The following ITGA7 variants were observed in gnomAD, a reference collection of about 807,000 sequenced individuals.
The protein encoded by ITGA7 is integrin subunit alpha 7, also known as integrin alpha-7.
Under a neutral mutation model 131.6 loss-of-function variants are expected in ITGA7, and 84 were observed. The observed-to-expected ratio is 0.64, with a 90% CI of 0.54 to 0.77. The LOEUF (loss-of-function observed/expected upper bound fraction) is 0.77, where lower values mean the gene tolerates loss of function less well. ITGA7 is among the 30% of genes least tolerant of loss of function. The pLI, the probability that ITGA7 is intolerant of heterozygous loss-of-function variation, is 0.00. For synonymous variants in ITGA7, 548 were observed against 600.7 expected (o/e 0.91, Z 1.28); for missense variants, 1,399 against 1,482.9 (o/e 0.94, Z 0.93).
chr12:55,697,669 G>GGGGTCAGAGTCAC, intron 9 of ITGA7, 26 bp downstream of exon 9: 1 of 1,614,170 alleles, frequency 6.2e-7, no homozygotes, highest in Non-Finnish European at 8.5e-7. Flanking sequence ...CGGCCTCAGG[G>GGGGTCAGAGTCAC]AGGGAAAAGG....
intron 14 of ITGA7, 107 bp from the exon 15 acceptor site, chr12:55,695,077 C>T: frequency 8.8e-7 from 1 of 1,141,104 alleles, no homozygotes; most frequent in Non-Finnish European, 1.3e-6. Context: ...AGCCTCTCTT[C>T]CCACCCCAGG....
chr12:55,699,031 C>G, intron 5 of ITGA7, 114 bp from the exon 6 acceptor site: 2 of 940,210 alleles, frequency 2.1e-6, no homozygotes, highest in Admixed American at 4.1e-5. Context: ...CAAGTCACAG[C>G]TCCCCTGCAC....
In ITGA7 at chr12:55,697,000, G is replaced by A. The variant is rs1204017500; in HGVS notation, c.1636C>T (p.Leu546=). 1 of 1,614,032 alleles carries A rather than the reference G, an allele frequency of 6.2e-7. No homozygotes were observed. Among genetic ancestry groups the A allele is most frequent in the Non-Finnish European group, 8.5e-7 (1 of 1,180,038 alleles). The change falls in exon 12 of 25, where the codon CTG becomes TTG. Residue 546 remains leucine, a synonymous_variant. Transcript: ENST00000257879. ...LRGQVPRVTF[L]SRNLEEPKHQ... is the part of the protein sequence containing the mutation. ...TTGGGTTCTTCCAGGTTACGGCTCA[G>A]GAACGTCACACGGGGAACCTGGCCC...
chr12:55,688,385 T>C lies in ITGA7; in HGVS notation c.2959-85A>G, dbSNP rs116101967. On this transcript the variant is annotated intron_variant, in intron 22 of 24. Coordinates refer to ENST00000257879, the MANE Select transcript of ITGA7 (RefSeq NM_002206.3). Reference sequence around the variant, plus strand: ...TTACCTCCTGAAATTATAAATGTAATGGTGCCCAACACAGAGGATGTTTCT... The same window carrying C: ...TTACCTCCTGAAATTATAAATGTAACGGTGCCCAACACAGAGGATGTTTCT... The C allele has an allele frequency of 1.5e-3, 1,545 of 998,622 alleles. 17 individuals are homozygous for C. In the African/African-American group the frequency reaches 0.021, roughly 13 times the overall value. 61.9% of individuals were successfully genotyped at this position (998,622 alleles called of 1,614,324 possible).
rs1234314955 is a variant in ITGA7, at chr12:55,698,704, A to G, written c.998+6T>C. The G allele has an allele frequency of 6.2e-7, 1 of 1,613,710 alleles. No homozygotes were observed. Among genetic ancestry groups the G allele is most frequent in the Admixed American group, 1.7e-5 (1 of 59,982 alleles). On this transcript the variant is annotated splice_donor_region_variant and intron_variant, in intron 6 of 24. Coordinates refer to ENST00000257879, the MANE Select transcript of ITGA7 (RefSeq NM_002206.3). ...CCTCAGGTGGCACGGCCCTCTACCCACTCACCCATCACTGTTGAGGTCAGC... is the reference window on the plus strand; with the variant it reads ...CCTCAGGTGGCACGGCCCTCTACCCGCTCACCCATCACTGTTGAGGTCAGC...
chr12:55,693,127 C>T lies in ITGA7; in HGVS notation c.2712+14G>A. On this transcript the variant is annotated intron_variant, in intron 20 of 24. Coordinates refer to ENST00000257879, the MANE Select transcript of ITGA7 (RefSeq NM_002206.3). ...TGTCCCCACATCTAACCCCCACCCC[C>T]ACCTAAGCCTCACCAGGTGGAGGAT... is the stretch of plus-strand genomic sequence containing the variant. 6.2e-7 allele frequency: 1 copy of T among 1,613,708 alleles called. No individual in the cohort carries two copies.
rs1054251212 is a variant in ITGA7 at position 55,704,120 on chromosome 12, C to G, written c.207-942G>C. Among the ~76,000 whole-genome samples, 4 of 152,352 alleles carry G rather than the reference C, an allele frequency of 2.6e-5. No individual in the cohort carries two copies. The South Asian group carries it at 8.3e-4, about 32-fold the overall frequency. On this transcript the variant is annotated intron_variant, in intron 1 of 24. Transcript: ENST00000257879. Reference sequence around the variant, plus strand: ...TAAGATGACTGACACCCAGCTGGCTCCATGGGTCCTCTCTTTGCAGAAGGA... The same window carrying G: ...TAAGATGACTGACACCCAGCTGGCTGCATGGGTCCTCTCTTTGCAGAAGGA...
In ITGA7 at chr12:55,698,841, G is replaced by T. The variant is rs774144591; in HGVS notation, c.867C>A (p.Asn289Lys). The T allele has an allele frequency of 3.1e-6, 5 of 1,613,752 alleles. No individual in the cohort carries two copies. The East Asian group carries it at 1.1e-4, about 36-fold the overall frequency. Residue 289 changes from asparagine to lysine, a missense_variant, in exon 6 of 25, where the codon AAC (asparagine) becomes AAA (lysine). By Grantham distance (94) the Asn-to-Lys change is moderately conservative. Transcript: ENST00000257879. The stretch of plus-strand genomic sequence containing the variant: ...GCAGGATGACCACAGCACCCTTGTG[G>T]TTGGCGCGGGGGGCTCCAGCCACAA... ...LSFVAGAPRA[N>K]HKGAVVILRK... is the part of the protein sequence containing the mutation.
intron 5 of ITGA7, chr12:55,699,574 A>G: frequency 4.3e-6 from 2 of 463,210 alleles, no homozygotes; most frequent in Non-Finnish European, 8.0e-6. Context: ...AAGTCCCCCT[A>G]GAAGACAGGA....
chr12:55,712,740 T>C (rs114177727), upstream of ITGA7, among the ~76,000 whole-genome samples: 59 of 152,110 alleles, frequency 3.9e-4, no homozygotes, highest in African/African-American at 1.4e-3. Context: ...GGTTAGACAG[T>C]GAACAATAAA....
At position 55,701,535 on chromosome 12, in the gene ITGA7, C is replaced by T. The variant is rs979326045; in HGVS notation, c.415-381G>A. Reference sequence around the variant, plus strand: ...GTCCCTGGACCTTTGTAAGTGTCACCATCTCATCTGCAAAGAACTTCCTGT... The same window carrying T: ...GTCCCTGGACCTTTGTAAGTGTCACTATCTCATCTGCAAAGAACTTCCTGT... On this transcript the variant is annotated intron_variant, in intron 3 of 24. Coordinates refer to ENST00000257879, the MANE Select transcript of ITGA7 (RefSeq NM_002206.3). 5.5e-4 allele frequency: 509 copies of T among 927,552 alleles called. 2 individuals carry two copies. Among genetic ancestry groups the T allele is most frequent in the South Asian group, 7.3e-4 (52 of 71,084 alleles). 57.5% of individuals were successfully genotyped at this position (927,552 alleles called of 1,614,324 possible).
In ITGA7 at chr12:55,707,820, G is replaced by GCCCAA; in HGVS notation, c.-139_-138insTTGGG. 1.4e-6 allele frequency: 2 copies of GCCCAA among 1,455,766 alleles called. No individual in the cohort carries two copies. Among genetic ancestry groups the GCCCAA allele is most frequent in the Non-Finnish European group, 9.1e-7 (1 of 1,102,478 alleles). The allele number at this position is 1,455,766 out of a possible 1,614,324, so 90.2% of individuals were successfully genotyped here. A position where few individuals can be genotyped will look rare whatever the true frequency, so the allele number is the denominator to read the frequency against. ...CGTCTCCCAGACGTTCGCCCCGCCA[G>GCCCAA]CCCTCCCGCCCGCCCGCCGCTCCGC... is the stretch of plus-strand genomic sequence containing the variant. On this transcript the variant is annotated 5_prime_UTR_variant, in exon 1 of 25. Transcript: ENST00000257879.
At chr12:55,691,100 C>A in intron 21 of ITGA7, among the ~76,000 whole-genome samples, 1 of 148,220 alleles carries the variant, frequency 6.7e-6, no homozygotes, top group African/African-American at 2.5e-5. Context: ...GCACATGTAC[C>A]CTAAAACTTA....
At chr12:55,702,752 T>C in intron 3 of ITGA7, 120 bp downstream of exon 3, 1 of 833,620 alleles carries the variant, frequency 1.2e-6, no homozygotes, top group South Asian at 1.4e-5. Context: ...CTGATGTACT[T>C]GGAATCATAC....
At chr12:55,707,914 C>A, upstream of ITGA7, 1 of 1,399,508 alleles carries the variant, frequency 7.1e-7, no homozygotes, top group Non-Finnish European at 9.3e-7. Flanking sequence ...CTCCGGCTCC[C>A]GCCTCCTCTC....
In ITGA7 at chr12:55,703,063, T is replaced by A; in HGVS notation, c.322A>T (p.Ile108Phe). Residue 108 changes from isoleucine to phenylalanine, a missense_variant, in exon 2 of 25, where the codon ATC (isoleucine) becomes TTC (phenylalanine). Transcript: ENST00000257879. ...LEETDCYRVD[I>F]DQGADMQKES... is the part of the protein sequence containing the mutation. ...TGCAGGGCCACACCTCCCTGGTCGA[T>A]GTCCACTCTGTAGCAGTCAGTCTCC... The A allele has an allele frequency of 1.2e-6, 2 of 1,614,124 alleles. No individual in the cohort carries two copies. The highest frequency in any genetic ancestry group is 1.7e-6 in the Non-Finnish European group (2 of 1,180,038).
upstream of ITGA7, among the ~76,000 whole-genome samples, chr12:55,713,806 A>T (rs540531072): frequency 6.6e-6 from 1 of 152,208 alleles, no homozygotes; most frequent in East Asian, 1.9e-4. Context: ...ACAGTTGCAC[A>T]TCTCCCAGGA....
chr12:55,709,167 C>T (rs1875795721), upstream of ITGA7, among the ~76,000 whole-genome samples: 1 of 152,132 alleles, frequency 6.6e-6, no homozygotes, highest in Admixed American at 6.5e-5. Flanking sequence ...TTGTCTCTGC[C>T]ACACTTGGAA....
rs1224316798 is a variant in ITGA7 at position 55,694,346 on chromosome 12, G to A, written c.2358-16C>T. 1.2e-6 allele frequency: 2 copies of A among 1,613,680 alleles called. No individual in the cohort carries two copies. Among genetic ancestry groups the A allele is most frequent in the Admixed American group, 1.7e-5 (1 of 60,030 alleles). On this transcript the variant is annotated splice_polypyrimidine_tract_variant and intron_variant, in intron 17 of 24. Transcript: ENST00000257879. This position sits in a 1 kb window ranked among gnomAD's most constrained non-coding sequence, Gnocchi z 5.3. Reference sequence around the variant, plus strand: ...CTCACTGATCCTGGTGAGTGGGCAGGGGCAAGTATGGGCATCAGGCACAGG... The same window carrying A: ...CTCACTGATCCTGGTGAGTGGGCAGAGGCAAGTATGGGCATCAGGCACAGG...
Sources: gnomAD v4.1 joint callset for allele counts (sites outside exome capture counted in the v4.1 genomes callset) on GRCh38, gnomAD v4.1.1 for gene constraint, Gnocchi (gnomAD v3.1) non-coding constraint, MANE v1.5 for transcripts, NCBI Gene and HGNC (gene_info 2026-07-23, HGNC 2026-07-21) for gene names.